CDKL5: variants seen among roughly 807,000 people sequenced by gnomAD.
CDKL5 encodes cyclin dependent kinase like 5.
Under a neutral mutation model 61.7 loss-of-function variants are expected in CDKL5, and 8 were observed. The ratio of observed to expected loss-of-function variants is 0.13; its 90% confidence interval spans 0.08 to 0.23. The LOEUF is 0.23. CDKL5 is among the 10% of genes least tolerant of loss of function. The probability of loss-of-function intolerance (pLI) is 1.00; values close to 1 mark genes in which losing one functional copy is unlikely to be tolerated. For missense variants in CDKL5, 440 were observed against 734.5 expected (o/e 0.60, Z 4.63); for synonymous variants, 275 against 272.3 (o/e 1.01, Z -0.10).
Position 18,634,225 on chromosome X carries a change from T to TC in CDKL5, c.*5474dup. The TC allele has an allele frequency of 1.3e-6, 1 of 752,734 alleles. No individual in the cohort carries two copies. Among genetic ancestry groups the TC allele is most frequent in the Non-Finnish European group, 1.6e-6 (1 of 638,218 alleles). The allele number at this position is 752,734 out of a possible 1,213,427, so 62.0% of individuals were successfully genotyped here. ...GAAAGAGGCCTTATCTGTTCCTCCATCCCCCCTGTTTTGACAGACTGCTAA... is the reference window on the plus strand; with the variant it reads ...GAAAGAGGCCTTATCTGTTCCTCCATCCCCCCCTGTTTTGACAGACTGCTAA... On this transcript the variant is annotated 3_prime_UTR_variant, in exon 18 of 18. Coordinates refer to ENST00000623535, the MANE Select transcript of CDKL5 (RefSeq NM_001323289.2).
In CDKL5 at chrX:18,634,859, C is replaced by A. The variant is rs1159531542; in HGVS notation, c.*6102C>A. 12 of 746,982 alleles carry A rather than the reference C, an allele frequency of 1.6e-5. No homozygotes were observed. The highest frequency in any genetic ancestry group is 1.9e-5 in the Non-Finnish European group (12 of 636,795). 61.6% of individuals were successfully genotyped at this position (746,982 alleles called of 1,213,427 possible). A position where few individuals can be genotyped will look rare whatever the true frequency, so the allele number is the denominator to read the frequency against. On this transcript the variant is annotated 3_prime_UTR_variant, in exon 18 of 18. Coordinates refer to ENST00000623535, the MANE Select transcript of CDKL5 (RefSeq NM_001323289.2). Reference sequence around the variant, plus strand: ...GCTAACTATTCAGAGCTTCTTCAATCTCTAGTAAGCTTGAAGGTGGTGTCT... The same window carrying A: ...GCTAACTATTCAGAGCTTCTTCAATATCTAGTAAGCTTGAAGGTGGTGTCT...
intron 1 of CDKL5, among the ~76,000 whole-genome samples, chrX:18,443,577 TTTTA>T (rs1931802636): frequency 9.0e-6 from 1 of 111,280 alleles, no homozygotes; most frequent in Non-Finnish European, 1.9e-5. Context: ...TTTGTTTAAC[TTTTA>T]TTTTAGGTTT....
rs750985506 is a variant in CDKL5 at position 18,612,089 on chromosome X, A to G, written c.2153-1063A>G. On this transcript the variant is annotated intron_variant, in intron 14 of 17. Coordinates refer to ENST00000623535, the MANE Select transcript of CDKL5 (RefSeq NM_001323289.2). ...TCCCCCCAAAAGCAGAAAAGTATTT[A>G]TTCACATACATTATATTTTATCTTT... Among the ~76,000 whole-genome samples, 7 of 112,350 alleles carry G rather than the reference A, an allele frequency of 6.2e-5. No homozygotes were observed. The South Asian group carries it at 2.6e-3, about 41-fold the overall frequency.
intron 3 of CDKL5, among the ~76,000 whole-genome samples, chrX:18,551,881 C>T (rs1399963518): frequency 1.8e-5 from 2 of 108,980 alleles, no homozygotes; most frequent in East Asian, 5.8e-4. Flanking sequence ...GCGTGAGCCA[C>T]CACACCCTTC....
In CDKL5 at chrX:18,635,720, A is replaced by G. The variant is rs1927367584; in HGVS notation, c.*6963A>G. The G allele has an allele frequency of 2.0e-6, 1 of 489,339 alleles. No individual in the cohort carries two copies. Among genetic ancestry groups the G allele is most frequent in the Admixed American group, 9.1e-5 (1 of 11,025 alleles). The allele number at this position is 489,339 out of a possible 1,213,427, so 40.3% of individuals were successfully genotyped here. On this transcript the variant is annotated 3_prime_UTR_variant, in exon 18 of 18. Transcript: ENST00000623535. The stretch of plus-strand genomic sequence containing the variant: ...ACACTCACGTGGTAGTTTGAGGAGG[A>G]TGGGAAGAGAGGCCAATCTTGTGCT...
chrX:18,426,399 CAG>C (rs1293904761), intron 1 of CDKL5: 3 of 112,867 alleles, frequency 2.7e-5, no homozygotes, highest in Non-Finnish European at 5.6e-5. Context: ...CCAGAACGAA[CAG>C]GTCCTCCTTG....
intron 16 of CDKL5, 98 bp downstream of exon 16, chrX:18,620,064 C>A: frequency 1.9e-6 from 1 of 538,442 alleles, no homozygotes; most frequent in Non-Finnish European, 3.1e-6. Context: ...TGATTGTTTT[C>A]TTATTGAGAC....
At chrX:18,561,503 C>T (rs1924803812) in intron 3 of CDKL5, among the ~76,000 whole-genome samples, 1 of 110,622 alleles carries the variant, frequency 9.0e-6, no homozygotes, top group Non-Finnish European at 1.9e-5. Context: ...AAACCCTCCT[C>T]TCAAAAATAA....
intron 3 of CDKL5, among the ~76,000 whole-genome samples, chrX:18,551,660 A>G (rs1924394487): frequency 9.5e-6 from 1 of 104,775 alleles, no homozygotes; most frequent in Non-Finnish European, 1.9e-5. Flanking sequence ...GTCTCGGCTC[A>G]CTGCAGCCTC....
intron 11 of CDKL5, among the ~76,000 whole-genome samples, 194 bp downstream of exon 11, chrX:18,598,807 TTAAC>T (rs1310501949): frequency 7.1e-5 from 8 of 112,463 alleles, no homozygotes; most frequent in Non-Finnish European, 1.3e-4. Flanking sequence ...TTTCTTATCT[TTAAC>T]TAGTATATGA....
At chrX:18,573,917 T>C (rs1334764591) in intron 4 of CDKL5, among the ~76,000 whole-genome samples, 7 of 111,839 alleles carry the variant, frequency 6.3e-5, no homozygotes, top group African/African-American at 2.3e-4. Context: ...GAAAGGGGGC[T>C]GGGATAGAAA....
At chrX:18,567,237 A>G (rs1371418635) in intron 4 of CDKL5, among the ~76,000 whole-genome samples, 1 of 111,813 alleles carries the variant, frequency 8.9e-6, no homozygotes, top group African/African-American at 3.3e-5. Flanking sequence ...AAGGATGTCT[A>G]TTCAACCCCT....
chrX:18,546,380 G>C (rs1242575310), intron 3 of CDKL5, among the ~76,000 whole-genome samples: 1 of 105,882 alleles, frequency 9.4e-6, no homozygotes, highest in African/African-American at 3.5e-5. Context: ...TTCTGTCTCA[G>C]CCTCCCTAGT....
At chrX:18,531,725 A>T (rs1923649711) in intron 3 of CDKL5, among the ~76,000 whole-genome samples, 1 of 100,683 alleles carries the variant, frequency 9.9e-6, no homozygotes, top group African/African-American at 4.2e-5. Flanking sequence ...TTTGAGATGG[A>T]GTCTCGCTCT....
Position 18,610,407 on chromosome X carries a change from G to A in CDKL5, c.2152+837G>A, listed in dbSNP as rs770983259. Among the ~76,000 whole-genome samples the A allele has an allele frequency of 5.3e-5, 6 of 112,252 alleles. No homozygotes were observed. In the South Asian group the frequency reaches 1.5e-3, roughly 28 times the overall value. On this transcript the variant is annotated intron_variant, in intron 14 of 17. Coordinates refer to ENST00000623535, the MANE Select transcript of CDKL5 (RefSeq NM_001323289.2). ...GATGGACTGAAACATTTTCTTCTCC[G>A]TTCTGTCTGTCGTACCTTGCCTGTA...
At chrX:18,650,132 A>C (rs1038170227) in intron 20 of CDKL5, 1 of 392,977 alleles carries the variant, frequency 2.5e-6, no homozygotes, top group Non-Finnish European at 4.5e-6. Context: ...ATTTCTTCCC[A>C]AATAGCTCAT....
At chrX:18,432,488 C>G (rs757718695) in intron 1 of CDKL5, among the ~76,000 whole-genome samples, 5 of 110,651 alleles carry the variant, frequency 4.5e-5, no homozygotes, top group Admixed American at 9.8e-5. Context: ...GCAATCTGCC[C>G]GCTTCGGCCT....
chrX:18,600,006 A>G (rs1044946648), intron 11 of CDKL5, among the ~76,000 whole-genome samples: 5 of 110,857 alleles, frequency 4.5e-5, no homozygotes, highest in Non-Finnish European at 9.4e-5. Flanking sequence ...CTAATTTTTT[A>G]TCTTTTGTAG....
At chrX:18,452,450 G>A (rs1228108603) in intron 1 of CDKL5, among the ~76,000 whole-genome samples, 1 of 110,370 alleles carries the variant, frequency 9.1e-6, no homozygotes, top group East Asian at 2.8e-4. Context: ...TTTTGAGACA[G>A]AGCCTTACTC....
Sources: gnomAD v4.1 joint callset for allele counts (sites outside exome capture counted in the v4.1 genomes callset) on GRCh38, gnomAD v4.1.1 for gene constraint, MANE v1.5 for transcripts, NCBI Gene and HGNC (gene_info 2026-07-23, HGNC 2026-07-21) for gene names.